CA10: variants seen among roughly 807,000 people sequenced by gnomAD.
CA10 encodes carbonic anhydrase-related protein 10.
Under a neutral mutation model 44.2 loss-of-function variants are expected in CA10, and 14 were observed. The ratio of observed to expected loss-of-function variants is 0.32; its 90% CI spans 0.21 to 0.50. The LOEUF is 0.50. CA10 is among the 20% of genes least tolerant of loss of function. CA10 has a pLI of 0.99. For synonymous variants in CA10, 159 were observed against 141.6 expected, an observed-to-expected ratio of 1.12 and a Z score of -0.87; for missense variants, 350 against 409.7, an observed-to-expected ratio of 0.85 and a Z score of 1.26.
At chr17:51,861,557 TA>T (rs1464955426) in intron 3 of CA10, among the ~76,000 whole-genome samples, 2 of 149,440 alleles carry the variant, frequency 1.3e-5, no homozygotes, top group Non-Finnish European at 3.0e-5. Context: ...TTTTTTTTTT[TA>T]ATGAGATGAT....
chr17:51,899,736 TG>T (rs1981228831), intron 3 of CA10, among the ~76,000 whole-genome samples: 1 of 152,228 alleles, frequency 6.6e-6, no homozygotes, highest in Admixed American at 6.5e-5. Flanking sequence ...GCTTCTATGT[TG>T]GGTGCATATA....
At chr17:51,674,418 T>G (rs549362431) in intron 4 of CA10, among the ~76,000 whole-genome samples, 1 of 152,350 alleles carries the variant, frequency 6.6e-6, no homozygotes, top group African/African-American at 2.4e-5. Flanking sequence ...TTTTTCTTTT[T>G]TATTGTGTCG....
intron 4 of CA10, among the ~76,000 whole-genome samples, chr17:51,720,543 G>T (rs576713406): frequency 3.9e-5 from 6 of 152,186 alleles, no homozygotes; most frequent in South Asian, 2.1e-4. Flanking sequence ...AACACATAAA[G>T]AAAATATGGT....
intron 3 of CA10, among the ~76,000 whole-genome samples, chr17:51,804,405 C>T (rs1292178497): frequency 6.6e-6 from 1 of 152,208 alleles, no homozygotes; most frequent in Non-Finnish European, 1.5e-5. Flanking sequence ...AGTTCCATCC[C>T]ATCTTGCTTA....
chr17:51,902,378 T>G (rs562085332), intron 3 of CA10, among the ~76,000 whole-genome samples: 2 of 152,210 alleles, frequency 1.3e-5, no homozygotes, highest in Admixed American at 6.5e-5. Flanking sequence ...TCAGGTGTCA[T>G]GATGATTTAT....
rs549460158 is a variant in CA10 at position 52,021,178 on chromosome 17, C to T, written c.136+51141G>A. ...GAATGGCATTTTTTAAGAATTAAAG[C>T]GAATCACAGAAATTTTGAAATTCTA... On this transcript the variant is annotated intron_variant, in intron 2 of 8. Transcript: ENST00000451037. 9.9e-4 allele frequency among the ~76,000 whole-genome samples: 150 copies of T among 152,060 alleles called. 1 individual carries two copies. Among genetic ancestry groups the T allele is most frequent in the African/African-American group, 3.2e-3 (133 of 41,510 alleles).
At chr17:52,017,677 A>T (rs190648912) in intron 2 of CA10, among the ~76,000 whole-genome samples, 1 of 152,128 alleles carries the variant, frequency 6.6e-6, no homozygotes, top group South Asian at 2.1e-4. Context: ...AATCTGGAAA[A>T]TTTACAGCCT....
chr17:51,783,893 A>G (rs530746873), intron 3 of CA10, among the ~76,000 whole-genome samples: 1 of 152,240 alleles, frequency 6.6e-6, no homozygotes, highest in South Asian at 2.1e-4. Flanking sequence ...AGCAGTTCCC[A>G]TACACAGCTG....
In CA10 at chr17:51,649,206, T is replaced by C. The variant is rs761350461; in HGVS notation, c.610A>G (p.Thr204Ala). 3.1e-5 allele frequency: 50 copies of C among 1,613,296 alleles called. No homozygotes were observed. The South Asian group carries it at 5.3e-4, about 17-fold the overall frequency. Residue 204 changes from threonine to alanine, a missense_variant, in exon 6 of 9, where the codon ACT becomes GCT. Physicochemically the swap from Thr to Ala is moderately conservative, Grantham distance 58. Transcript: ENST00000451037. ...PFLNRMLNRD[T>A]ITRITYKNDA... is the part of the protein sequence containing the mutation. ...CTTTTATATGTTATTCTTGTGATAG[T>C]ATCTCTGTTGAGCATTCGATTAAGA...
intron 3 of CA10, among the ~76,000 whole-genome samples, chr17:51,898,230 A>C (rs11870468): frequency 0.068 from 10,383 of 151,836 alleles, 1,193 homozygotes; most frequent in African/African-American, 0.24. Context: ...ATTATTTTAA[A>C]ATATGTTTTC....
intron 2 of CA10, among the ~76,000 whole-genome samples, chr17:52,026,519 A>G (rs1283992797): frequency 1.3e-5 from 2 of 152,156 alleles, no homozygotes; most frequent in Admixed American, 1.3e-4. Flanking sequence ...TGCTGCTAAC[A>G]AAGACATACC....
At position 51,676,967 on chromosome 17, in the gene CA10, C is replaced by T. The variant is rs868567299; in HGVS notation, c.466-23231G>A. On this transcript the variant is annotated intron_variant, in intron 4 of 8. Coordinates refer to ENST00000451037, the MANE Select transcript of CA10 (RefSeq NM_020178.5). Reference sequence around the variant, plus strand: ...GTAGCCCTCTGTGGCTTCCTGACAGCCAAGAGCAGCCTCGATTTGATATCT... The same window carrying T: ...GTAGCCCTCTGTGGCTTCCTGACAGTCAAGAGCAGCCTCGATTTGATATCT... Among the ~76,000 whole-genome samples the T allele has an allele frequency of 2.0e-5, 3 of 152,072 alleles. No individual in the cohort carries two copies. The South Asian group carries it at 6.2e-4, about 32-fold the overall frequency.
chr17:51,877,106 C>T (rs1224114694), intron 3 of CA10, among the ~76,000 whole-genome samples: 1 of 152,190 alleles, frequency 6.6e-6, no homozygotes, highest in Non-Finnish European at 1.5e-5. Context: ...TGGGTCACTT[C>T]ATGGTGGACA....
At chr17:51,863,745 GACCA>G (rs1312936656) in intron 3 of CA10, among the ~76,000 whole-genome samples, 1 of 152,102 alleles carries the variant, frequency 6.6e-6, no homozygotes, top group Non-Finnish European at 1.5e-5. Context: ...TACAAACAGG[GACCA>G]ACCAAAGTAA....
chr17:51,647,272 A>G (rs890789617), intron 6 of CA10, among the ~76,000 whole-genome samples: 3 of 152,040 alleles, frequency 2.0e-5, no homozygotes, highest in Non-Finnish European at 2.9e-5. Flanking sequence ...GCCATCACCA[A>G]TGCTTATTGG....
intron 2 of CA10, among the ~76,000 whole-genome samples, chr17:51,958,279 T>C (rs1397096258): frequency 6.6e-6 from 1 of 151,076 alleles, no homozygotes; most frequent in African/African-American, 2.4e-5. Flanking sequence ...TTTTTGATAA[T>C]TGGCATTAAT....
rs758661859 is a variant in CA10 at position 51,747,619 on chromosome 17, A to G, written c.465+14T>C. 6.3e-7 allele frequency: 1 copy of G among 1,598,128 alleles called. No homozygotes were observed. The highest frequency in any genetic ancestry group is 1.1e-5 in the South Asian group (1 of 87,794). On this transcript the variant is annotated intron_variant, in intron 4 of 8. Transcript: ENST00000451037. ...GTTGACATTTAACCTTAGTACTTTG[A>G]CAGACTAACATACCTCCCCAGAGAA... is the stretch of plus-strand genomic sequence containing the variant.
chr17:51,735,474 C>G (rs530885544), intron 4 of CA10, among the ~76,000 whole-genome samples: 2 of 152,068 alleles, frequency 1.3e-5, no homozygotes, highest in African/African-American at 4.8e-5. Flanking sequence ...TATCCCAAAC[C>G]TCAGCATCGC....
chr17:52,044,766 A>T (rs949504388), intron 2 of CA10, among the ~76,000 whole-genome samples: 1 of 2,882 alleles, frequency 3.5e-4, no homozygotes, highest in Non-Finnish European at 2.3e-3. Context: ...ACAGCAACAG[A>T]AACTATTAAA....
Sources: allele counts gnomAD v4.1 joint callset (sites outside exome capture counted in the v4.1 genomes callset), GRCh38; gene constraint gnomAD v4.1.1; transcripts MANE v1.5; gene names NCBI Gene and HGNC (gene_info 2026-07-23, HGNC 2026-07-21).